AIG1: variants seen among roughly 807,000 people sequenced by gnomAD.
AIG1 encodes the protein androgen induced 1, also known as androgen-induced gene 1 protein.
Under a neutral mutation model 31.4 loss-of-function variants are expected in AIG1, and 23 were observed. That is an observed-to-expected ratio of 0.73 (90% CI 0.53 to 1.04). The LOEUF (loss-of-function observed/expected upper bound fraction) is 1.04, where lower values mean the gene tolerates loss of function less well. Among genes scored for constraint, AIG1 ranks in the 50% least tolerant of loss-of-function variants. AIG1 has a pLI of 0.00. For synonymous variants in AIG1, 100 were observed against 110.5 expected, an observed-to-expected ratio of 0.90 and a Z score of 0.60; for missense variants, 274 against 295.0, an observed-to-expected ratio of 0.93 and a Z score of 0.52.
intron 4 of AIG1, among the ~76,000 whole-genome samples, chr6:143,319,555 C>A (rs1279553437): frequency 6.6e-6 from 1 of 152,104 alleles, no homozygotes; most frequent in Non-Finnish European, 1.5e-5. Flanking sequence ...GCAACAAAAT[C>A]TTAGAAATCA....
In AIG1 at chr6:143,293,945, C is replaced by T. The variant is rs1009888521; in HGVS notation, c.515+9720C>T. Among the ~76,000 whole-genome samples the T allele has an allele frequency of 2.6e-5, 4 of 152,140 alleles. No individual in the cohort carries two copies. The highest frequency in any genetic ancestry group is 5.9e-5 in the Non-Finnish European group (4 of 68,026). On this transcript the variant is annotated intron_variant, in intron 4 of 5. Coordinates refer to ENST00000357847, the MANE Select transcript of AIG1 (RefSeq NM_016108.4). The surrounding 1 kb of genome is among the most constrained non-coding windows in gnomAD (Gnocchi z 4.8). ...CCCCTCCACCTCCACCTCACTCTCC[C>T]AGTCCTCCCAGCAGATGGCCTGGCC... is the stretch of plus-strand genomic sequence containing the variant.
chr6:143,078,645 A>G (rs1777939054), intron 1 of AIG1, among the ~76,000 whole-genome samples: 1 of 152,152 alleles, frequency 6.6e-6, no homozygotes, highest in African/African-American at 2.4e-5. Context: ...AGCAAAAGGG[A>G]AAACCCCTTA....
chr6:143,174,521 C>G (rs1437271397), intron 3 of AIG1, among the ~76,000 whole-genome samples: 1 of 151,472 alleles, frequency 6.6e-6, no homozygotes, highest in African/African-American at 2.4e-5. Context: ...AAAGCTACTC[C>G]TGCTCACTTT....
chr6:143,128,500 G>A (rs1365101499), intron 1 of AIG1, among the ~76,000 whole-genome samples: 1 of 152,190 alleles, frequency 6.6e-6, no homozygotes, highest in Non-Finnish European at 1.5e-5. Flanking sequence ...AAAATAATAA[G>A]AGCAACTAGC....
chr6:143,074,965 C>T (rs1156296295), intron 1 of AIG1, among the ~76,000 whole-genome samples: 1 of 152,200 alleles, frequency 6.6e-6, no homozygotes, highest in Admixed American at 6.5e-5. Context: ...AACCACTGGG[C>T]TTGTGCTTTT....
chr6:143,162,852 A>G (rs1272609705), intron 2 of AIG1, among the ~76,000 whole-genome samples: 1 of 152,166 alleles, frequency 6.6e-6, no homozygotes, highest in Non-Finnish European at 1.5e-5. Flanking sequence ...GTGGGCAGGG[A>G]ATTCCAGGCT....
chr6:143,244,384 C>T (rs1404182972), intron 3 of AIG1, among the ~76,000 whole-genome samples: 6 of 152,220 alleles, frequency 3.9e-5, no homozygotes, highest in African/African-American at 1.4e-4. Flanking sequence ...AGACCTTGAC[C>T]TCTTTGATTG....
intron 3 of AIG1, among the ~76,000 whole-genome samples, chr6:143,227,789 A>T (rs945044277): frequency 4.6e-5 from 7 of 152,190 alleles, no homozygotes; most frequent in African/African-American, 1.4e-4. Context: ...GCACATGCAC[A>T]GGGACCCAGG....
intron 2 of AIG1, among the ~76,000 whole-genome samples, chr6:143,145,328 T>C (rs926093325): frequency 2.0e-5 from 3 of 152,200 alleles, no homozygotes; most frequent in African/African-American, 4.8e-5. Context: ...CCAGCCAGTA[T>C]TTTCATTTGA....
Position 143,325,142 on chromosome 6 carries a change from T to C in AIG1, c.516-8140T>C, listed in dbSNP as rs551411155. 2.6e-5 allele frequency among the ~76,000 whole-genome samples: 4 copies of C among 152,350 alleles called. No individual in the cohort carries two copies. In the East Asian group the frequency reaches 7.7e-4, roughly 29 times the overall value. ...TCTATGAAGACCCTGTGCTAATAGA[T>C]GCTGTCTACCTTTGAACCACTTGTC... On this transcript the variant is annotated intron_variant, in intron 4 of 5. Transcript: ENST00000357847. The surrounding 1 kb of genome is among the most constrained non-coding windows in gnomAD (Gnocchi z 4.3).
intron 3 of AIG1, among the ~76,000 whole-genome samples, chr6:143,169,029 T>G (rs1014145458): frequency 2.6e-5 from 4 of 151,174 alleles, no homozygotes; most frequent in African/African-American, 9.7e-5. Context: ...TATTAAATAT[T>G]TTAATATTTA....
intron 1 of AIG1, among the ~76,000 whole-genome samples, chr6:143,062,330 T>G (rs1287826765): frequency 6.6e-6 from 1 of 152,186 alleles, no homozygotes; most frequent in Non-Finnish European, 1.5e-5. Context: ...GTTTTAATTT[T>G]CAGATCCTCA....
chr6:143,087,424 A>G (rs769709349), intron 1 of AIG1, among the ~76,000 whole-genome samples: 25 of 152,202 alleles, frequency 1.6e-4, no homozygotes, highest in Admixed American at 8.5e-4. Context: ...CTCAATTAGG[A>G]TGAACCCAGG....
At chr6:143,124,177 A>G (rs909972192) in intron 1 of AIG1, among the ~76,000 whole-genome samples, 10 of 152,148 alleles carry the variant, frequency 6.6e-5, no homozygotes, top group African/African-American at 2.4e-4. Context: ...AGCAGACTGG[A>G]TTTTATGAGC....
At chr6:143,221,273 C>A (rs991991162) in intron 3 of AIG1, among the ~76,000 whole-genome samples, 4 of 152,072 alleles carry the variant, frequency 2.6e-5, no homozygotes, top group African/African-American at 9.7e-5. Flanking sequence ...ATATCCAGTC[C>A]CCCCTCCAAC....
chr6:143,064,838 C>T (rs1409811803), intron 1 of AIG1, among the ~76,000 whole-genome samples: 1 of 152,148 alleles, frequency 6.6e-6, no homozygotes, highest in East Asian at 1.9e-4. Context: ...AAGAGACCAC[C>T]AAACAGGCTT....
At chr6:143,144,036 C>A (rs1370808693) in intron 2 of AIG1, among the ~76,000 whole-genome samples, 2 of 152,192 alleles carry the variant, frequency 1.3e-5, no homozygotes. Context: ...CTCATATATT[C>A]TTTTCTCCTA....
chr6:143,190,125 C>A (rs970151468), intron 3 of AIG1: 4 of 957,856 alleles, frequency 4.2e-6, no homozygotes, highest in Non-Finnish European at 5.0e-6. Flanking sequence ...AATGCTATAA[C>A]CTTAGAGGTT....
intron 1 of AIG1, among the ~76,000 whole-genome samples, chr6:143,072,325 T>G (rs868060807): frequency 4.6e-5 from 7 of 152,198 alleles, no homozygotes; most frequent in Admixed American, 2.0e-4. Context: ...TTGCTTTAGA[T>G]TCTATGGGAG....
Sources: gnomAD v4.1 joint callset for allele counts (sites outside exome capture counted in the v4.1 genomes callset) on GRCh38, gnomAD v4.1.1 for gene constraint, Gnocchi (gnomAD v3.1) non-coding constraint, MANE v1.5 for transcripts, NCBI Gene and HGNC (gene_info 2026-07-23, HGNC 2026-07-21) for gene names.